The following RPSA2 variants were observed in gnomAD, a reference collection of about 807,000 sequenced individuals.
RPSA2 encodes ribosomal protein SA 2.
chr19:23,761,906 T>TCTCTCTCTCTCTCTC, the RPSA2 span, among the ~76,000 whole-genome samples: 123 of 92,126 alleles, frequency 1.3e-3, 20 homozygotes, highest in East Asian at 1.9e-3. Context: ...ACGTAATTCT[T>TCTCTCTCTCTCTCTC]TCTTTCTTTC....
the RPSA2 span, among the ~76,000 whole-genome samples, chr19:23,769,194 G>A: frequency 6.6e-6 from 1 of 152,208 alleles, no homozygotes; most frequent in African/African-American, 2.4e-5. Flanking sequence ...TACGTGATAT[G>A]ACTCTTTTCT....
chr19:23,831,987 A>C, the RPSA2 span: 3 of 386,670 alleles, frequency 7.8e-6, no homozygotes, highest in Non-Finnish European at 1.6e-5. Flanking sequence ...AAAAATGTGG[A>C]AAAACCTTTA....
chr19:23,789,019 C>CTTTTTTTTTTTTTTT, the RPSA2 span, among the ~76,000 whole-genome samples: 16 of 112,614 alleles, frequency 1.4e-4, no homozygotes, highest in South Asian at 3.1e-4. Flanking sequence ...TTTTTTCTTT[C>CTTTTTTTTTTTTTTT]TTTCTTTTTT....
the RPSA2 span, among the ~76,000 whole-genome samples, chr19:23,843,008 C>T: frequency 6.6e-6 from 1 of 152,060 alleles, no homozygotes; most frequent in Non-Finnish European, 1.5e-5. Context: ...AGCTAAGGAC[C>T]CAGAAATGTA....
chr19:23,870,823 T>C, the RPSA2 span, among the ~76,000 whole-genome samples: 2 of 152,282 alleles, frequency 1.3e-5, no homozygotes, highest in East Asian at 1.9e-4. Context: ...AGCCTGAGGA[T>C]TGTGACCAAC....
the RPSA2 span, among the ~76,000 whole-genome samples, chr19:23,848,267 C>A: frequency 1.3e-5 from 2 of 152,146 alleles, no homozygotes; most frequent in South Asian, 4.1e-4. Context: ...CGTTTGGGGT[C>A]CCTGACTTCC....
chr19:23,851,319 C>G, the RPSA2 span, among the ~76,000 whole-genome samples: 2 of 152,234 alleles, frequency 1.3e-5, no homozygotes, highest in East Asian at 3.9e-4. Context: ...CAGGTGAGAG[C>G]AAATTTATCT....
chr19:23,866,577 G>A, the RPSA2 span, among the ~76,000 whole-genome samples: 1 of 138,884 alleles, frequency 7.2e-6, no homozygotes, highest in African/African-American at 2.7e-5. Flanking sequence ...GGAAATCATT[G>A]GGCTCACCGA....
the RPSA2 span, among the ~76,000 whole-genome samples, chr19:23,829,594 C>T: frequency 2.0e-5 from 3 of 152,242 alleles, no homozygotes; most frequent in Non-Finnish European, 4.4e-5. Flanking sequence ...AGCCACCATG[C>T]CCAACCTCTT....
the RPSA2 span, among the ~76,000 whole-genome samples, chr19:23,822,257 A>G: frequency 2.0e-5 from 3 of 152,134 alleles, no homozygotes; most frequent in African/African-American, 7.2e-5. Flanking sequence ...GGGTTGCGTC[A>G]TTTGGGTCCC....
At chr19:23,863,198 T>G in the RPSA2 span, among the ~76,000 whole-genome samples, 1 of 152,192 alleles carries the variant, frequency 6.6e-6, no homozygotes, top group African/African-American at 2.4e-5. Flanking sequence ...CAAACTTGGC[T>G]AAGAAATGCT....
chr19:23,830,642 G>T, the RPSA2 span, among the ~76,000 whole-genome samples: 1 of 149,844 alleles, frequency 6.7e-6, no homozygotes, highest in Non-Finnish European at 1.5e-5. Context: ...TTGTTTTTTT[G>T]AAATCTTAAA....
chr19:23,816,003 T>TG, the RPSA2 span, among the ~76,000 whole-genome samples: 1 of 151,868 alleles, frequency 6.6e-6, no homozygotes, highest in Admixed American at 6.6e-5. Flanking sequence ...TTGTTTTTTT[T>TG]TTCGCTCTGT....
the RPSA2 span, among the ~76,000 whole-genome samples, chr19:23,869,410 C>A: frequency 1.8e-5 from 2 of 109,152 alleles, no homozygotes; most frequent in Admixed American, 1.1e-4. Flanking sequence ...CCATGCCCGG[C>A]CCAATTGCCC....
chr19:23,857,514 G>C, the RPSA2 span, among the ~76,000 whole-genome samples: 1 of 122,454 alleles, frequency 8.2e-6, no homozygotes, highest in Non-Finnish European at 1.7e-5. Flanking sequence ...TTTTGAGATG[G>C]AGTTTTGCTC....
chr19:23,775,508 C>T, the RPSA2 span, among the ~76,000 whole-genome samples: 1 of 152,166 alleles, frequency 6.6e-6, no homozygotes, highest in Admixed American at 6.5e-5. Context: ...ATAAATTCCT[C>T]AGGTGGTACA....
chr19:23,870,837 G>A, the RPSA2 span, among the ~76,000 whole-genome samples: 1 of 152,172 alleles, frequency 6.6e-6, no homozygotes, highest in Non-Finnish European at 1.5e-5. Context: ...GACCAACACA[G>A]CATTCCACTG....
At chr19:23,792,414 A>G in the RPSA2 span, among the ~76,000 whole-genome samples, 2 of 152,206 alleles carry the variant, frequency 1.3e-5, no homozygotes, top group South Asian at 2.1e-4. Context: ...CCACAGGCAG[A>G]TGCAGATAAG....
the RPSA2 span, among the ~76,000 whole-genome samples, chr19:23,850,758 G>A: frequency 1.3e-5 from 2 of 151,928 alleles, no homozygotes; most frequent in Non-Finnish European, 2.9e-5. Context: ...TTTTTTGCCT[G>A]TATAATGGCT....
Sources: allele counts gnomAD v4.1 joint callset (sites outside exome capture counted in the v4.1 genomes callset), GRCh38; gene constraint gnomAD v4.1.1; transcripts MANE v1.5; gene names NCBI Gene and HGNC (gene_info 2026-07-23, HGNC 2026-07-21).